Variants in SMIM36 observed in about 807,000 individuals in gnomAD.
SMIM36 encodes the protein small integral membrane protein 36.
intron 3 of SMIM36, among the ~76,000 whole-genome samples, chr17:55,472,433 A>G (rs904040567): frequency 2.6e-5 from 4 of 152,224 alleles, no homozygotes; most frequent in East Asian, 1.9e-4. Context: ...ATCTGGGCTG[A>G]AAGAGGCTTC....
rs1303463874 is a variant in SMIM36, at chr17:55,500,909, A to ATAAT, written c.*174+9969_*174+9970insATTA. On this transcript the variant is annotated intron_variant, in intron 1 of 4. Coordinates refer to ENST00000636752, the Ensembl canonical transcript of SMIM36. ...TATATATTATAATATATTATATTAT[A>ATAAT]ATATATTATAATATATTATATTTTA... Among the ~76,000 whole-genome samples the ATAAT allele has an allele frequency of 1.4e-4, 2 of 14,150 alleles. 1 individual carries two copies. The highest frequency in any genetic ancestry group is 1.7e-4 in the Non-Finnish European group (2 of 11,828). The allele number at this position is 14,150 out of a possible 152,430, so 9.3% of individuals were successfully genotyped here. A position where few individuals can be genotyped will look rare whatever the true frequency, so the allele number is the denominator to read the frequency against.
rs796414740 is a variant in SMIM36 at position 55,501,066 on chromosome 17, A to T, written c.*174+9813T>A. On this transcript the variant is annotated intron_variant, in intron 1 of 4. Coordinates refer to ENST00000636752, the Ensembl canonical transcript of SMIM36. Reference sequence around the variant, plus strand: ...ATATTATAATATATAATATATTATTATATATTATAATATATAATATACTAT... The same window carrying T: ...ATATTATAATATATAATATATTATTTTATATTATAATATATAATATACTAT... Among the ~76,000 whole-genome samples, 7 of 12,988 alleles carry T rather than the reference A, an allele frequency of 5.4e-4. 3 individuals carry two copies. Among genetic ancestry groups the T allele is most frequent in the Admixed American group, 2.6e-3 (2 of 758 alleles). 8.5% of individuals were successfully genotyped at this position (12,988 alleles called of 152,430 possible). A position where few individuals can be genotyped will look rare whatever the true frequency, so the allele number is the denominator to read the frequency against.
chr17:55,511,315 A>T (rs540755759), exon 1 of SMIM36: 17 of 398,664 alleles, frequency 4.3e-5, no homozygotes, highest in Non-Finnish European at 7.1e-5. Flanking sequence ...AACAGGGTCG[A>T]TCTCCAAGTA....
chr17:55,477,604 TC>T (rs1167369368), intron 3 of SMIM36, among the ~76,000 whole-genome samples: 2 of 152,154 alleles, frequency 1.3e-5, no homozygotes, highest in Non-Finnish European at 2.9e-5. Context: ...CCTCAACATA[TC>T]TTTTTAGGGA....
intron 1 of SMIM36, among the ~76,000 whole-genome samples, chr17:55,502,384 G>C (rs1196842957): frequency 1.0e-5 from 1 of 100,304 alleles, no homozygotes; most frequent in Admixed American, 8.7e-5. Context: ...TCTGAGAACC[G>C]GCAGACTGCC....
intron 4 of SMIM36, among the ~76,000 whole-genome samples, chr17:55,460,453 A>AAT (rs1567862727): frequency 9.6e-5 from 10 of 103,794 alleles, no homozygotes; most frequent in East Asian, 6.5e-4. Context: ...AAAACAAAAC[A>AAT]AAAAAAAAGA....
intron 1 of SMIM36, among the ~76,000 whole-genome samples, chr17:55,491,601 T>C (rs911100695): frequency 2.6e-5 from 4 of 152,200 alleles, no homozygotes; most frequent in Non-Finnish European, 5.9e-5. Flanking sequence ...TTCTAGCTAA[T>C]GAAATATAAG....
chr17:55,512,153 A>G (rs780960217), upstream of SMIM36, among the ~76,000 whole-genome samples: 10 of 152,260 alleles, frequency 6.6e-5, no homozygotes, highest in Non-Finnish European at 1.3e-4. Context: ...CATTTAACCT[A>G]TGACCTGAAG....
At chr17:55,484,549 C>T (rs1253213294) in intron 1 of SMIM36, among the ~76,000 whole-genome samples, 1 of 152,176 alleles carries the variant, frequency 6.6e-6, no homozygotes, top group Non-Finnish European at 1.5e-5. Context: ...ATAAACCTCC[C>T]AGTACAAGGA....
chr17:55,502,089 G>A (rs552915176), intron 1 of SMIM36, among the ~76,000 whole-genome samples: 181 of 150,640 alleles, frequency 1.2e-3, no homozygotes, highest in African/African-American at 4.2e-3. Context: ...ACGGAATCTC[G>A]CTGATTGCTA....
the SMIM36 span, among the ~76,000 whole-genome samples, chr17:55,520,931 C>A: frequency 1.3e-5 from 2 of 152,142 alleles, no homozygotes; most frequent in East Asian, 3.9e-4. Flanking sequence ...CGAGACCAAC[C>A]TGGAGAATAT....
At position 55,501,362 on chromosome 17, in the gene SMIM36, ATAATAT is replaced by A. The variant is rs1262098247; in HGVS notation, c.*174+9511_*174+9516del. Among the ~76,000 whole-genome samples, 40 of 86,894 alleles carry A rather than the reference ATAATAT, an allele frequency of 4.6e-4. 4 individuals carry two copies. Among genetic ancestry groups the A allele is most frequent in the African/African-American group, 1.9e-3 (39 of 20,394 alleles). The allele number at this position is 86,894 out of a possible 152,430, so 57.0% of individuals were successfully genotyped here. On this transcript the variant is annotated intron_variant, in intron 1 of 4. Coordinates refer to ENST00000636752, the Ensembl canonical transcript of SMIM36. ...TATTATATATTATATTTTATAATAT[ATAATAT>A]ATTATATATTATAGAATATAATATA...
chr17:55,460,455 A>AAAAAAAAAAAAAC (rs1567862737), intron 4 of SMIM36, among the ~76,000 whole-genome samples: 2 of 148,800 alleles, frequency 1.3e-5, no homozygotes, highest in African/African-American at 5.0e-5. Context: ...AACAAAACAA[A>AAAAAAAAAAAAAC]AAAAAAGAAC....
At chr17:55,504,122 T>A (rs202084245) in intron 1 of SMIM36, among the ~76,000 whole-genome samples, 1,152 of 109,874 alleles carry the variant, frequency 0.01, 4 homozygotes, top group East Asian at 0.04. Context: ...ACACAATAAT[T>A]ATGGGAGACT....
chr17:55,507,916 T>G (rs1910107256), intron 1 of SMIM36, among the ~76,000 whole-genome samples: 2 of 152,132 alleles, frequency 1.3e-5, no homozygotes, highest in Non-Finnish European at 2.9e-5. Context: ...GAACATCATT[T>G]GATAAACATA....
At chr17:55,482,757 A>C (rs910351367) in intron 1 of SMIM36, among the ~76,000 whole-genome samples, 1 of 152,246 alleles carries the variant, frequency 6.6e-6, no homozygotes, top group African/African-American at 2.4e-5. Context: ...CTACAGGGAA[A>C]ACATGTACTT....
chr17:55,491,291 T>G (rs1909701627), intron 1 of SMIM36, among the ~76,000 whole-genome samples: 1 of 150,582 alleles, frequency 6.6e-6, no homozygotes, highest in Non-Finnish European at 1.5e-5. Context: ...AAAAAAATCT[T>G]CAAATATTAA....
intron 4 of SMIM36, among the ~76,000 whole-genome samples, chr17:55,465,030 G>A (rs7214882): frequency 0.82 from 124,423 of 152,222 alleles, 51,564 homozygotes; most frequent in African/African-American, 0.92. Context: ...TGGAGCTGCC[G>A]GGAAATACCA....
chr17:55,520,846 G>C, the SMIM36 span, among the ~76,000 whole-genome samples: 1,230 of 152,298 alleles, frequency 8.1e-3, 16 homozygotes, highest in African/African-American at 0.028. Context: ...AAATTATCTT[G>C]ACCGGCAGGT....
Sources: allele counts gnomAD v4.1 joint callset (sites outside exome capture counted in the v4.1 genomes callset), GRCh38; gene constraint gnomAD v4.1.1; transcripts MANE v1.5; gene names NCBI Gene and HGNC (gene_info 2026-07-23, HGNC 2026-07-21).